CHSY1: variants seen among roughly 807,000 people sequenced by gnomAD.
The protein encoded by CHSY1 is chondroitin sulfate synthase 1.
A neutral mutation model predicts 59.8 loss-of-function variants in CHSY1; 13 were observed. The observed-to-expected ratio is 0.22, with a 90% CI of 0.14 to 0.35. The LOEUF (loss-of-function observed/expected upper bound fraction) is 0.35. Among genes scored for constraint, CHSY1 ranks in the 10% least tolerant of loss-of-function variants. CHSY1 has a pLI of 1.00. For synonymous variants in CHSY1, 459 were observed against 401.2 expected, an observed-to-expected ratio of 1.14 and a Z score of -1.72; for missense variants, 947 against 1,030.6, an observed-to-expected ratio of 0.92 and a Z score of 1.11.
chr15:101,224,611 G>A (rs772913640), intron 2 of CHSY1, among the ~76,000 whole-genome samples: 4 of 152,214 alleles, frequency 2.6e-5, no homozygotes, highest in African/African-American at 4.8e-5. Flanking sequence ...CTAGAAATGT[G>A]CCCATCAGCA....
chr15:101,214,411 A>C (rs551057400), intron 2 of CHSY1, among the ~76,000 whole-genome samples: 68 of 152,354 alleles, frequency 4.5e-4, no homozygotes, highest in African/African-American at 1.5e-3. Flanking sequence ...ACATGGACTA[A>C]AGTAAGATCT....
At chr15:101,187,726 T>G (rs1416148958) in intron 2 of CHSY1, 1 of 152,234 alleles carries the variant, frequency 6.6e-6, no homozygotes, top group African/African-American at 2.4e-5. Flanking sequence ...CAAAGAAACC[T>G]TCTTAAGATG....
At chr15:101,185,809 G>C (rs2038353633) in intron 2 of CHSY1, among the ~76,000 whole-genome samples, 1 of 149,146 alleles carries the variant, frequency 6.7e-6, no homozygotes, top group African/African-American at 2.5e-5. Flanking sequence ...GCGTATTTAA[G>C]AGGCATGCTG....
chr15:101,180,509 C>G (rs973686516), intron 2 of CHSY1, among the ~76,000 whole-genome samples: 3 of 152,136 alleles, frequency 2.0e-5, no homozygotes, highest in Non-Finnish European at 4.4e-5. Flanking sequence ...CCTCCCTAGG[C>G]TAGGAGGAGA....
intron 1 of CHSY1, among the ~76,000 whole-genome samples, chr15:101,243,902 A>G (rs1365492503): frequency 6.6e-6 from 1 of 152,242 alleles, no homozygotes; most frequent in East Asian, 1.9e-4. Flanking sequence ...CACGCCGAGC[A>G]AAGTGTAACA....
intron 2 of CHSY1, among the ~76,000 whole-genome samples, chr15:101,193,581 G>T (rs1214141671): frequency 1.3e-5 from 2 of 152,208 alleles, no homozygotes; most frequent in Non-Finnish European, 2.9e-5. Flanking sequence ...CTGTGTGCAT[G>T]CACATGTGCG....
intron 2 of CHSY1, among the ~76,000 whole-genome samples, chr15:101,199,289 G>A (rs547270917): frequency 3.9e-4 from 59 of 152,320 alleles, no homozygotes; most frequent in Admixed American, 6.5e-4. Flanking sequence ...GGATCATGAG[G>A]TCAGGAGATG....
intron 2 of CHSY1, among the ~76,000 whole-genome samples, chr15:101,198,433 G>A (rs1186279288): frequency 2.0e-5 from 3 of 152,152 alleles, no homozygotes; most frequent in African/African-American, 7.2e-5. Context: ...CCTCTCGTAA[G>A]TCTTAAGTTG....
chr15:101,230,067 G>A (rs1375571170), intron 2 of CHSY1, among the ~76,000 whole-genome samples: 3 of 151,364 alleles, frequency 2.0e-5, no homozygotes, highest in Non-Finnish European at 2.9e-5. Flanking sequence ...TCAGCCTCCA[G>A]AGTAACTAGG....
At chr15:101,192,808 A>G (rs1040033139) in intron 2 of CHSY1, among the ~76,000 whole-genome samples, 2 of 152,156 alleles carry the variant, frequency 1.3e-5, no homozygotes, top group Non-Finnish European at 1.5e-5. Flanking sequence ...TTCCAAAATA[A>G]CCTACCTCCC....
intron 2 of CHSY1, among the ~76,000 whole-genome samples, chr15:101,188,946 C>CA (rs113716305): frequency 0.023 from 3,344 of 147,366 alleles, 49 homozygotes; most frequent in East Asian, 0.1. Flanking sequence ...ATCGCCTTAA[C>CA]AAAAAAAAAA....
chr15:101,217,906 T>C (rs1156854387), intron 2 of CHSY1, among the ~76,000 whole-genome samples: 2 of 152,094 alleles, frequency 1.3e-5, no homozygotes, highest in Admixed American at 1.3e-4. Flanking sequence ...GGGGAAAGGG[T>C]AACTCTGCAG....
intron 2 of CHSY1, among the ~76,000 whole-genome samples, chr15:101,184,373 T>C (rs1363135618): frequency 1.3e-5 from 2 of 151,516 alleles, no homozygotes; most frequent in Non-Finnish European, 2.9e-5. Context: ...ATGTGTTACA[T>C]ATATATATAA....
Position 101,177,370 on chromosome 15 carries a change from T to C in CHSY1, c.*18A>G. ...TAAATTAGATAATTAAAAACGTCTT[T>C]TCCAGCAAAGCTGGACATTAGGCTG... On this transcript the variant is annotated 3_prime_UTR_variant, in exon 3 of 3. Coordinates refer to ENST00000254190, the MANE Select transcript of CHSY1 (RefSeq NM_014918.5). The C allele has an allele frequency of 6.3e-7, 1 of 1,593,944 alleles. No homozygotes were observed. Among genetic ancestry groups the C allele is most frequent in the Non-Finnish European group, 8.5e-7 (1 of 1,173,978 alleles).
At chr15:101,202,412 G>C (rs1395806564) in intron 2 of CHSY1, among the ~76,000 whole-genome samples, 3 of 95,148 alleles carry the variant, frequency 3.2e-5, no homozygotes, top group Non-Finnish European at 6.0e-5. Flanking sequence ...CATTTCTGCA[G>C]GAGGGGCAGT....
chr15:101,197,474 T>C (rs1306763390), intron 2 of CHSY1, among the ~76,000 whole-genome samples: 1 of 152,210 alleles, frequency 6.6e-6, no homozygotes, highest in Non-Finnish European at 1.5e-5. Context: ...CCATCTGGAC[T>C]GATCTGCTGG....
At chr15:101,250,506 C>G (rs1177099848) in intron 1 of CHSY1, among the ~76,000 whole-genome samples, 1 of 152,220 alleles carries the variant, frequency 6.6e-6, no homozygotes, top group East Asian at 1.9e-4. Flanking sequence ...CCAAGCTGAA[C>G]TAATTAACAC....
chr15:101,250,498 A>G (rs1006729010), intron 1 of CHSY1, among the ~76,000 whole-genome samples: 1 of 152,172 alleles, frequency 6.6e-6, no homozygotes, highest in Non-Finnish European at 1.5e-5. Context: ...ATACACCACC[A>G]AGCTGAACTA....
intron 2 of CHSY1, among the ~76,000 whole-genome samples, chr15:101,224,581 C>G (rs918453354): frequency 6.6e-6 from 1 of 152,214 alleles, no homozygotes; most frequent in African/African-American, 2.4e-5. Flanking sequence ...TCACTGGACT[C>G]CACCTGCCAA....
Sources: gnomAD v4.1 joint callset for allele counts (sites outside exome capture counted in the v4.1 genomes callset) on GRCh38, gnomAD v4.1.1 for gene constraint, MANE v1.5 for transcripts, NCBI Gene and HGNC (gene_info 2026-07-23, HGNC 2026-07-21) for gene names.